The following TRAK2 variants were observed in gnomAD, a reference collection of about 807,000 sequenced individuals.
TRAK2 encodes the protein trafficking kinesin-binding protein 2.
A neutral mutation model predicts 104.6 loss-of-function variants in TRAK2; 81 were observed. That is an observed-to-expected ratio of 0.77 (90% CI 0.65 to 0.93). The LOEUF is 0.93. TRAK2 is among the 40% of genes least tolerant of loss of function. The pLI, the probability that TRAK2 is intolerant of heterozygous loss-of-function variation, is 0.00. For missense variants in TRAK2, 1,002 were observed against 1,089.0 expected (o/e 0.92, Z 1.12); for synonymous variants, 406 against 394.4 (o/e 1.03, Z -0.35).
rs1279678885 is a variant in TRAK2 at position 201,379,284 on chromosome 2, T to G, written c.*1259A>C. ...TGAAATCTAACCCCAGAGCCTCACTTTGCCATTTCATACAGTTTGAATAAA... is the reference window on the plus strand; with the variant it reads ...TGAAATCTAACCCCAGAGCCTCACTGTGCCATTTCATACAGTTTGAATAAA... On this transcript the variant is annotated 3_prime_UTR_variant, in exon 16 of 16. Coordinates refer to ENST00000332624, the MANE Select transcript of TRAK2 (RefSeq NM_015049.3). 1 of 151,988 alleles carries G rather than the reference T, an allele frequency of 6.6e-6. No individual in the cohort carries two copies. The highest frequency in any genetic ancestry group is 1.5e-5 in the Non-Finnish European group (1 of 68,002). 9.4% of individuals were successfully genotyped at this position (151,988 alleles called of 1,614,324 possible).
intron 4 of TRAK2, among the ~76,000 whole-genome samples, chr2:201,399,791 T>C (rs967763869): frequency 6.6e-6 from 1 of 152,038 alleles, no homozygotes; most frequent in African/African-American, 2.4e-5. Context: ...ACTTTAAACT[T>C]ACAATTTTGG....
chr2:201,387,399 T>G (rs7571260), intron 13 of TRAK2, among the ~76,000 whole-genome samples: 4,133 of 152,298 alleles, frequency 0.027, 189 homozygotes, highest in African/African-American at 0.095. Flanking sequence ...CATCTAACCA[T>G]GGAAACTGCT....
intron 1 of TRAK2, among the ~76,000 whole-genome samples, chr2:201,424,249 G>T (rs1477923253): frequency 6.6e-6 from 1 of 152,196 alleles, no homozygotes; most frequent in Non-Finnish European, 1.5e-5. Flanking sequence ...CAAGAAGGGG[G>T]AAATGATCAT....
Position 201,380,472 on chromosome 2 carries a change from G to T in TRAK2, c.*71C>A. 6.9e-7 allele frequency: 1 copy of T among 1,443,056 alleles called. No individual in the cohort carries two copies. The highest frequency in any genetic ancestry group is 1.3e-5 in the South Asian group (1 of 78,008). 89.4% of individuals were successfully genotyped at this position (1,443,056 alleles called of 1,614,324 possible). A position where few individuals can be genotyped will look rare whatever the true frequency, so the allele number is the denominator to read the frequency against. On this transcript the variant is annotated 3_prime_UTR_variant, in exon 16 of 16. Transcript: ENST00000332624. ...ATTCCTTTTCTCTCAAGTCAGACCA[G>T]ACCACATGTTTCAGTGCATATCTAT...
At chr2:201,392,019 T>C (rs1951452598) in intron 10 of TRAK2, among the ~76,000 whole-genome samples, 1 of 152,188 alleles carries the variant, frequency 6.6e-6, no homozygotes, top group Non-Finnish European at 1.5e-5. Flanking sequence ...AGTGCGTTTA[T>C]GTAGGACAGT....
At chr2:201,409,872 C>T (rs1951628970) in intron 2 of TRAK2, among the ~76,000 whole-genome samples, 1 of 152,182 alleles carries the variant, frequency 6.6e-6, no homozygotes, top group Non-Finnish European at 1.5e-5. Context: ...CTTGCAATGA[C>T]CATCAACTCA....
intron 1 of TRAK2, among the ~76,000 whole-genome samples, chr2:201,441,197 T>C (rs530096248): frequency 6.6e-6 from 1 of 152,360 alleles, no homozygotes; most frequent in African/African-American, 2.4e-5. Context: ...TGAAAAAATC[T>C]GCATAAAAGA....
At chr2:201,406,542 T>C (rs1458166218) in intron 3 of TRAK2, among the ~76,000 whole-genome samples, 3 of 152,194 alleles carry the variant, frequency 2.0e-5, no homozygotes, top group African/African-American at 7.2e-5. Context: ...TATTGCACAA[T>C]AGTCCTTCTC....
In TRAK2 at chr2:201,389,805, G is replaced by A; in HGVS notation, c.1189C>T (p.Gln397Ter). The change falls in exon 11 of 16, where the codon CAA becomes TAA. Residue 397 changes from glutamine (Q) to a stop codon, truncating the protein, a stop_gained. Coordinates refer to ENST00000332624, the MANE Select transcript of TRAK2 (RefSeq NM_015049.3). LOFTEE classifies it high-confidence loss of function. ...ACACATGTGACCTGTACTTACTTTT[G>A]TTTAAAGAGAGAAGATTCCTCATCC... is the stretch of plus-strand genomic sequence containing the variant. ...SLDEESSLFK[Q>*]KAQQKRVFDT... The A allele has an allele frequency of 6.2e-7, 1 of 1,611,462 alleles. No homozygotes were observed. Among genetic ancestry groups the A allele is most frequent in the Non-Finnish European group, 8.5e-7 (1 of 1,178,636 alleles).
intron 2 of TRAK2, among the ~76,000 whole-genome samples, chr2:201,408,590 G>A (rs553602890): frequency 1.4e-4 from 21 of 152,106 alleles, no homozygotes; most frequent in South Asian, 1.0e-3. Context: ...TATTTAGTAC[G>A]GTTTAAAAGA....
chr2:201,413,364 G>T, intron 2 of TRAK2: 1 of 753,902 alleles, frequency 1.3e-6, no homozygotes, highest in Non-Finnish European at 2.1e-6. Context: ...AGGAGGGGCA[G>T]AACTGGGCCT....
At chr2:201,413,144 C>G in intron 2 of TRAK2, 1 of 1,432,618 alleles carries the variant, frequency 7.0e-7, no homozygotes, top group Non-Finnish European at 9.7e-7. Flanking sequence ...GCTTTGTTGA[C>G]TTTTTTGTGC....
At chr2:201,421,134 A>C (rs1249132048) in intron 1 of TRAK2, among the ~76,000 whole-genome samples, 1 of 152,256 alleles carries the variant, frequency 6.6e-6, no homozygotes, top group Admixed American at 6.5e-5. Context: ...TTAAAAAGAT[A>C]ACTGTTTAAA....
At position 201,411,705 on chromosome 2, in the gene TRAK2, G is replaced by T. The variant is rs141682461; in HGVS notation, c.92-4108C>A. 1.3e-3 allele frequency: 976 copies of T among 779,738 alleles called. 11 individuals are homozygous for T. In the African/African-American group the frequency reaches 0.015, roughly 12 times the overall value. The allele number at this position is 779,738 out of a possible 1,614,324, so 48.3% of individuals were successfully genotyped here. ...GCCTAAAATACCCATGAGGACTGCA[G>T]ACTCTTTGGATGGAATTTGTTGTAA... On this transcript the variant is annotated intron_variant, in intron 2 of 15. Coordinates refer to ENST00000332624, the MANE Select transcript of TRAK2 (RefSeq NM_015049.3).
At chr2:201,412,014 G>C in intron 2 of TRAK2, 1 of 1,011,464 alleles carries the variant, frequency 9.9e-7, no homozygotes, top group East Asian at 2.4e-5. Flanking sequence ...GTTTTGGTTA[G>C]TAGCAAATCC....
At chr2:201,411,815 A>T in intron 2 of TRAK2, 1 of 823,384 alleles carries the variant, frequency 1.2e-6, no homozygotes, top group Non-Finnish European at 2.2e-6. Flanking sequence ...TTACAGGAAC[A>T]GCAAGGGAAG....
intron 1 of TRAK2, among the ~76,000 whole-genome samples, chr2:201,441,926 T>A (rs1307304860): frequency 6.6e-6 from 1 of 151,200 alleles, no homozygotes; most frequent in Non-Finnish European, 1.5e-5. Flanking sequence ...ACTCCTGACC[T>A]CGTGATCCAC....
At position 201,401,076 on chromosome 2, in the gene TRAK2, AC is replaced by A; in HGVS notation, c.304del (p.Val102TrpfsTer4). Reference sequence around the variant, plus strand: ...ATTGTAAGTTTTGGTCATCTGCTCCACCCTGTCTGTGCCTAGAACTAATATA... The same window carrying A: ...ATTGTAAGTTTTGGTCATCTGCTCCACCTGTCTGTGCCTAGAACTAATATA... Reference protein sequence around the residue: ...FRYMILGTDRVEQMTKTYNDI... With the variant: ...FRYMILGTDRXEQMTKTYNDI... On this transcript the variant is annotated frameshift_variant, in exon 4 of 16. Coordinates refer to ENST00000332624, the MANE Select transcript of TRAK2 (RefSeq NM_015049.3). LOFTEE classifies it high-confidence loss of function. The A allele has an allele frequency of 6.2e-7, 1 of 1,609,998 alleles. No individual in the cohort carries two copies. The highest frequency in any genetic ancestry group is 8.5e-7 in the Non-Finnish European group (1 of 1,177,272).
intron 14 of TRAK2, among the ~76,000 whole-genome samples, chr2:201,385,103 GA>G (rs1193081006): frequency 6.6e-6 from 1 of 152,092 alleles, no homozygotes; most frequent in Non-Finnish European, 1.5e-5. Context: ...GTGAGTTTTG[GA>G]AAACTCGTAT....
Sources: allele counts gnomAD v4.1 joint callset (sites outside exome capture counted in the v4.1 genomes callset), GRCh38; gene constraint gnomAD v4.1.1; transcripts MANE v1.5; gene names NCBI Gene and HGNC (gene_info 2026-07-23, HGNC 2026-07-21).